Variants in PCSK1 observed in about 807,000 individuals in gnomAD.
PCSK1 encodes the protein proprotein convertase subtilisin/kexin type 1, also known as neuroendocrine convertase 1.
In PCSK1, 56 loss-of-function variants were observed where a neutral mutation model predicts 90.6. The observed-to-expected ratio is 0.62, with a 90% CI of 0.50 to 0.77. The LOEUF is 0.77. Ranked by LOEUF, PCSK1 falls within the 30% of genes least tolerant of loss-of-function variation. The pLI is 0.00. For synonymous variants in PCSK1, 348 were observed against 342.4 expected (o/e 1.02, Z -0.18); for missense variants, 801 against 932.6 (o/e 0.86, Z 1.84).
intron 3 of PCSK1, among the ~76,000 whole-genome samples, chr5:96,425,024 G>GAAAA (rs1267867763): frequency 1.4e-5 from 1 of 71,616 alleles, no homozygotes; most frequent in African/African-American, 5.2e-5. Flanking sequence ...AAGAAAGAAA[G>GAAAA]AAAGAAAGAA....
chr5:96,423,184 A>G, intron 4 of PCSK1, 129 bp downstream of exon 4: 2 of 830,848 alleles, frequency 2.4e-6, no homozygotes, highest in East Asian at 2.7e-5. Context: ...GGGAGAAGGG[A>G]CATAACCTTG....
rs902688239 is a variant in PCSK1 at position 96,392,642 on chromosome 5, T to C, written c.*359A>G. ...TTCTCATTCTTTGCAGATTATGTTT[T>C]CAAATTAATTGATATCCCAGGTTTT... On this transcript the variant is annotated 3_prime_UTR_variant, in exon 14 of 14. Coordinates refer to ENST00000311106, the MANE Select transcript of PCSK1 (RefSeq NM_000439.5). 6 of 231,488 alleles carry C rather than the reference T, an allele frequency of 2.6e-5. No individual in the cohort carries two copies. Among genetic ancestry groups the C allele is most frequent in the Middle Eastern group, 1.6e-3 (1 of 628 alleles). The allele number at this position is 231,488 out of a possible 1,614,324, so 14.3% of individuals were successfully genotyped here. A position where few individuals can be genotyped will look rare whatever the true frequency, so the allele number is the denominator to read the frequency against.
chr5:96,394,974 G>A lies in PCSK1; in HGVS notation c.1774C>T (p.His592Tyr), dbSNP rs1554057298. The change falls in exon 13 of 14, where the codon CAC becomes TAC. Residue 592 changes from histidine to tyrosine, a missense_variant. Coordinates refer to ENST00000311106, the MANE Select transcript of PCSK1 (RefSeq NM_000439.5). ...GRIVNWKLILHGTSSQPEHMK... is the reference protein window; with the variant it reads ...GRIVNWKLILYGTSSQPEHMK... Reference sequence around the variant, plus strand: ...TGCTCTGGCTGAGAAGAGGTCCCGTGCAAAATCAGCTTCCAGTTCACAATT... The same window carrying A: ...TGCTCTGGCTGAGAAGAGGTCCCGTACAAAATCAGCTTCCAGTTCACAATT... The A allele has an allele frequency of 6.2e-7, 1 of 1,613,852 alleles. No individual in the cohort carries two copies.
rs11317408 is a variant in PCSK1, at chr5:96,421,993, T to TAA, written c.544-39_544-38dup. ...ACAAAATATAACACTGTGGCAGCAT[T>TAA]AAAAAAAAAAAAAAAAAAAAAAAAA... On this transcript the variant is annotated intron_variant, in intron 4 of 13. Coordinates refer to ENST00000311106, the MANE Select transcript of PCSK1 (RefSeq NM_000439.5). 405 of 358,202 alleles carry TAA rather than the reference T, an allele frequency of 1.1e-3. 7 individuals are homozygous for TAA. Among genetic ancestry groups the TAA allele is most frequent in the African/African-American group, 6.3e-3 (130 of 20,540 alleles). 22.2% of individuals were successfully genotyped at this position (358,202 alleles called of 1,614,324 possible).
intron 9 of PCSK1, among the ~76,000 whole-genome samples, chr5:96,407,669 A>C (rs949438627): frequency 6.6e-6 from 1 of 152,236 alleles, no homozygotes; most frequent in African/African-American, 2.4e-5. Flanking sequence ...TGATTAGATG[A>C]CTTTAAGGAA....
rs1160330138 is a variant in PCSK1, at chr5:96,400,047, C to T, written c.1336G>A (p.Ala446Thr). Residue 446 changes from alanine to threonine, a missense_variant, in exon 10 of 14, where the codon GCC (alanine) becomes ACC (threonine). Transcript: ENST00000311106. Reference sequence around the variant, plus strand: ...TCAGCTAAATCCACCAGAGCTTTGGCATTTAGCAAGCCAAATCCAAATCGA... The same window carrying T: ...TCAGCTAAATCCACCAGAGCTTTGGTATTTAGCAAGCCAAATCCAAATCGA... ...NSRFGFGLLN[A>T]KALVDLADPR... is the part of the protein sequence containing the mutation. 6.2e-7 allele frequency: 1 copy of T among 1,614,038 alleles called. No homozygotes were observed. Among genetic ancestry groups the T allele is most frequent in the Non-Finnish European group, 8.5e-7 (1 of 1,179,998 alleles).
At chr5:96,428,054 T>C (rs922276654) in intron 2 of PCSK1, among the ~76,000 whole-genome samples, 1 of 152,160 alleles carries the variant, frequency 6.6e-6, no homozygotes, top group African/African-American at 2.4e-5. Flanking sequence ...AATACAGCAT[T>C]GTCAGGATGT....
intron 12 of PCSK1, among the ~76,000 whole-genome samples, chr5:96,396,813 AT>A (rs1760165862): frequency 6.6e-6 from 1 of 152,256 alleles, no homozygotes; most frequent in African/African-American, 2.4e-5. Flanking sequence ...AGTAAACAGA[AT>A]GAAAAAGAAA....
chr5:96,395,855 A>G (rs1760122822), intron 12 of PCSK1, among the ~76,000 whole-genome samples: 1 of 152,226 alleles, frequency 6.6e-6, no homozygotes, highest in Non-Finnish European at 1.5e-5. Flanking sequence ...AGAGGTCTAT[A>G]AATTCAGTTA....
chr5:96,400,220 G>T, intron 9 of PCSK1, 34 bp from the exon 10 acceptor site: 1 of 1,478,752 alleles, frequency 6.8e-7, no homozygotes, highest in Non-Finnish European at 9.5e-7. Flanking sequence ...GTCTTTCAGA[G>T]AAAAATGAAG....
chr5:96,410,108 T>C (rs945198315), intron 8 of PCSK1, among the ~76,000 whole-genome samples: 3 of 152,132 alleles, frequency 2.0e-5, no homozygotes, highest in Admixed American at 6.5e-5. Flanking sequence ...TCTCCCTTTG[T>C]TCTCAAAGCC....
rs753407847 is a variant in PCSK1, at chr5:96,397,316, A to C, written c.1722+20T>G. The C allele has an allele frequency of 6.2e-7, 1 of 1,608,946 alleles. No individual in the cohort carries two copies. Among genetic ancestry groups the C allele is most frequent in the Non-Finnish European group, 8.5e-7 (1 of 1,175,752 alleles). On this transcript the variant is annotated intron_variant, in intron 12 of 13. Coordinates refer to ENST00000311106, the MANE Select transcript of PCSK1 (RefSeq NM_000439.5). The stretch of plus-strand genomic sequence containing the variant: ...TTTAAAAGTAAGCTTGTGTTTTTTC[A>C]TCCTCTCATTCACACTTACCATGTC...
At chr5:96,412,292 A>G in intron 7 of PCSK1, 26 bp downstream of exon 7, 14 of 1,600,984 alleles carry the variant, frequency 8.7e-6, no homozygotes, top group Non-Finnish European at 1.2e-5. Context: ...GTTTCATTTC[A>G]TGTGGGTCTG....
chr5:96,432,613 C>G (rs1048503996), intron 1 of PCSK1, among the ~76,000 whole-genome samples: 4 of 152,180 alleles, frequency 2.6e-5, no homozygotes, highest in Non-Finnish European at 4.4e-5. Flanking sequence ...CTAGAGCGGC[C>G]AACAGTAAGC....
rs958312654 is a variant in PCSK1 at position 96,415,948 on chromosome 5, A to G, written c.709+85T>C. ...TAATTTGTTCCTCCAGTTGTTAAAA[A>G]GAAAAGCTCCCCTCCCCCATTTACA... is the stretch of plus-strand genomic sequence containing the variant. On this transcript the variant is annotated intron_variant, in intron 6 of 13. Coordinates refer to ENST00000311106, the MANE Select transcript of PCSK1 (RefSeq NM_000439.5). 2.3e-5 allele frequency: 20 copies of G among 870,614 alleles called. No individual in the cohort carries two copies. In the African/African-American group the frequency reaches 2.3e-4, roughly 10 times the overall value. The allele number at this position is 870,614 out of a possible 1,614,324, so 53.9% of individuals were successfully genotyped here.
At position 96,410,854 on chromosome 5, in the gene PCSK1, G is replaced by A. The variant is rs1185421011; in HGVS notation, c.1015C>T (p.Leu339=). The A allele has an allele frequency of 1.2e-6, 2 of 1,614,090 alleles. No homozygotes were observed. Among genetic ancestry groups the A allele is most frequent in the East Asian group, 4.5e-5 (2 of 44,884 alleles). The change falls in exon 8 of 14, where the codon CTA becomes TTA. Residue 339 remains leucine (L), a synonymous_variant. Transcript: ENST00000311106. ...CACTTCTCAGCGTACCAGGGGGATA[G>A]GCCTTGCTGGGAGGCACTGCTGATG... ...ISISSASQQG[L]SPWYAEKCSS...
intron 12 of PCSK1, among the ~76,000 whole-genome samples, chr5:96,396,403 A>G (rs1364926869): frequency 6.6e-6 from 1 of 152,064 alleles, no homozygotes; most frequent in African/African-American, 2.4e-5. Context: ...TCTACTAAAA[A>G]TACAAAAATT....
intron 10 of PCSK1, among the ~76,000 whole-genome samples, chr5:96,399,352 G>A (rs912177756): frequency 6.6e-6 from 1 of 152,098 alleles, no homozygotes; most frequent in African/African-American, 2.4e-5. Context: ...CATGCCCCAA[G>A]CCTCCCATCC....
At chr5:96,408,827 G>A (rs908525468) in intron 8 of PCSK1, among the ~76,000 whole-genome samples, 2 of 152,196 alleles carry the variant, frequency 1.3e-5, no homozygotes, top group East Asian at 3.9e-4. Context: ...TGCTTAATAT[G>A]TAGTTTGCAC....
Sources: allele counts gnomAD v4.1 joint callset (sites outside exome capture counted in the v4.1 genomes callset), GRCh38; gene constraint gnomAD v4.1.1; transcripts MANE v1.5; gene names NCBI Gene and HGNC (gene_info 2026-07-23, HGNC 2026-07-21).